Variants in TMEM108 observed in about 807,000 individuals in gnomAD.
The protein encoded by TMEM108 is cancer/testis antigen 124.
Under a neutral mutation model 35.1 loss-of-function variants are expected in TMEM108, and 12 were observed. The observed-to-expected ratio is 0.34, with a 90% CI of 0.22 to 0.55. The LOEUF (loss-of-function observed/expected upper bound fraction) is 0.55. TMEM108 is among the 20% of genes least tolerant of loss of function. The pLI, the probability that TMEM108 is intolerant of heterozygous loss-of-function variation, is 0.89. For missense variants in TMEM108, 680 were observed against 753.3 expected (o/e 0.90, Z 1.14); for synonymous variants, 287 against 308.6 (o/e 0.93, Z 0.73).
At chr3:133,080,573 G>A (rs1943796882) in intron 2 of TMEM108, among the ~76,000 whole-genome samples, 1 of 152,156 alleles carries the variant, frequency 6.6e-6, no homozygotes, top group Non-Finnish European at 1.5e-5. Context: ...CAGAATTAAT[G>A]ATCCTATATA....
At chr3:133,244,317 C>T (rs1053826689) in intron 3 of TMEM108, among the ~76,000 whole-genome samples, 2 of 152,200 alleles carry the variant, frequency 1.3e-5, no homozygotes, top group South Asian at 2.1e-4. Context: ...AACCTCATCT[C>T]GCTTCCATTG....
chr3:133,335,750 T>C (rs909270931), intron 3 of TMEM108, among the ~76,000 whole-genome samples: 4 of 152,266 alleles, frequency 2.6e-5, no homozygotes, highest in South Asian at 2.1e-4. Context: ...AAAAATAAGA[T>C]GAGCACTCAC....
chr3:133,300,596 C>T (rs1947207853), intron 3 of TMEM108, among the ~76,000 whole-genome samples: 2 of 152,068 alleles, frequency 1.3e-5, no homozygotes, highest in African/African-American at 4.8e-5. Context: ...AATGAGGACG[C>T]AGAGAGCCTT....
At chr3:133,063,611 T>C (rs1380109965) in intron 2 of TMEM108, among the ~76,000 whole-genome samples, 1 of 152,296 alleles carries the variant, frequency 6.6e-6, no homozygotes, top group East Asian at 1.9e-4. Flanking sequence ...GGTAAAAGTG[T>C]AAGGTTGAGA....
chr3:133,377,545 C>T (rs1228097462), intron 3 of TMEM108, among the ~76,000 whole-genome samples: 3 of 152,200 alleles, frequency 2.0e-5, no homozygotes, highest in Non-Finnish European at 2.9e-5. Context: ...TGTGACTTTC[C>T]ACATGTTGCC....
At chr3:133,050,804 A>T (rs954143800) in intron 2 of TMEM108, among the ~76,000 whole-genome samples, 1 of 151,820 alleles carries the variant, frequency 6.6e-6, no homozygotes, top group Non-Finnish European at 1.5e-5. Flanking sequence ...AATAATCAAC[A>T]TGTAAGTTTC....
intron 2 of TMEM108, among the ~76,000 whole-genome samples, chr3:133,188,880 G>GACA (rs2107812049): frequency 6.6e-6 from 1 of 152,294 alleles, no homozygotes; most frequent in African/African-American, 2.4e-5. Context: ...CATCTATAAT[G>GACA]TAGGTCTGCC....
chr3:133,040,808 G>A (rs574330948), intron 1 of TMEM108, among the ~76,000 whole-genome samples: 1 of 152,330 alleles, frequency 6.6e-6, no homozygotes, highest in African/African-American at 2.4e-5. Flanking sequence ...AAGCCCACTA[G>A]TGTTGCTTTC....
intron 2 of TMEM108, among the ~76,000 whole-genome samples, chr3:133,082,253 A>G (rs1382836151): frequency 6.6e-6 from 1 of 152,226 alleles, no homozygotes; most frequent in Non-Finnish European, 1.5e-5. Flanking sequence ...GGGGAAATAA[A>G]TGCTAATCAG....
At chr3:133,386,436 C>A in intron 4 of TMEM108, 1 of 1,536,158 alleles carries the variant, frequency 6.5e-7, no homozygotes, top group Admixed American at 2.0e-5. Flanking sequence ...GATCCTATCA[C>A]CTGAAAGCAT....
intron 3 of TMEM108, among the ~76,000 whole-genome samples, chr3:133,336,097 T>C (rs937421937): frequency 6.6e-6 from 1 of 152,176 alleles, no homozygotes; most frequent in Non-Finnish European, 1.5e-5. Flanking sequence ...GCTAAAGGCC[T>C]TTGGGCCCTA....
chr3:133,167,513 G>A lies in TMEM108; in HGVS notation c.-46-61753G>A, dbSNP rs190074551. On this transcript the variant is annotated intron_variant, in intron 2 of 5. Coordinates refer to ENST00000321871, the MANE Select transcript of TMEM108 (RefSeq NM_023943.4). Reference sequence around the variant, plus strand: ...CCGTGGGGGGACTTGGGCATGGTGGGCTACAGGTCCCAAGCCCTGCCCCGC... The same window carrying A: ...CCGTGGGGGGACTTGGGCATGGTGGACTACAGGTCCCAAGCCCTGCCCCGC... 2.6e-5 allele frequency among the ~76,000 whole-genome samples: 4 copies of A among 152,368 alleles called. No homozygotes were observed. In the East Asian group the frequency reaches 7.7e-4, roughly 29 times the overall value.
At chr3:133,211,021 G>A (rs918471206) in intron 2 of TMEM108, among the ~76,000 whole-genome samples, 2 of 152,060 alleles carry the variant, frequency 1.3e-5, no homozygotes, top group African/African-American at 4.8e-5. Flanking sequence ...AACTAAGAAC[G>A]GGGAATGAGG....
intron 2 of TMEM108, among the ~76,000 whole-genome samples, chr3:133,161,820 C>G (rs1165964872): frequency 6.6e-6 from 1 of 152,150 alleles, no homozygotes; most frequent in Non-Finnish European, 1.5e-5. Context: ...GCTCTGCCAA[C>G]TGTGTCTTTC....
At position 133,349,284 on chromosome 3, in the gene TMEM108, TG is replaced by T. The variant is rs139042839; in HGVS notation, c.41-30466del. 1.6e-4 allele frequency among the ~76,000 whole-genome samples: 24 copies of T among 152,288 alleles called. No homozygotes were observed. In the East Asian group the frequency reaches 4.2e-3, roughly 27 times the overall value. On this transcript the variant is annotated intron_variant, in intron 3 of 5. Coordinates refer to ENST00000321871, the MANE Select transcript of TMEM108 (RefSeq NM_023943.4). Reference sequence around the variant, plus strand: ...GGCATTCAAATCTAGGGTTGAATGCTGGTTTAATGTGGCACAATATAAACAC... The same window carrying T: ...GGCATTCAAATCTAGGGTTGAATGCTGTTTAATGTGGCACAATATAAACAC...
chr3:133,282,730 A>G (rs745482629), intron 3 of TMEM108, among the ~76,000 whole-genome samples: 1 of 152,180 alleles, frequency 6.6e-6, no homozygotes, highest in African/African-American at 2.4e-5. Flanking sequence ...CCCTGTCTCC[A>G]TGCCTCTTTA....
intron 2 of TMEM108, among the ~76,000 whole-genome samples, chr3:133,104,978 A>T (rs1429687746): frequency 6.6e-6 from 1 of 152,124 alleles, no homozygotes; most frequent in Non-Finnish European, 1.5e-5. Flanking sequence ...CTTAGTGTGG[A>T]TTGGGAAAGA....
Position 133,176,318 on chromosome 3 carries a change from G to A in TMEM108, c.-46-52948G>A, listed in dbSNP as rs556968275. Among the ~76,000 whole-genome samples the A allele has an allele frequency of 1.2e-4, 18 of 152,242 alleles. 1 individual carries two copies. Among genetic ancestry groups the A allele is most frequent in the African/African-American group, 2.4e-4 (10 of 41,556 alleles). Reference sequence around the variant, plus strand: ...AATTGAACTCAGCTCTGCACCAAGTGGACCTAATAGACATCTACAGAACTC... The same window carrying A: ...AATTGAACTCAGCTCTGCACCAAGTAGACCTAATAGACATCTACAGAACTC... On this transcript the variant is annotated intron_variant, in intron 2 of 5. Coordinates refer to ENST00000321871, the MANE Select transcript of TMEM108 (RefSeq NM_023943.4).
chr3:133,055,410 C>T (rs975979458), intron 2 of TMEM108, among the ~76,000 whole-genome samples: 1 of 152,196 alleles, frequency 6.6e-6, no homozygotes, highest in Non-Finnish European at 1.5e-5. Flanking sequence ...TCTTTAGCAA[C>T]AATAAAGACA....
Sources: allele counts gnomAD v4.1 joint callset (sites outside exome capture counted in the v4.1 genomes callset), GRCh38; gene constraint gnomAD v4.1.1; transcripts MANE v1.5; gene names NCBI Gene and HGNC (gene_info 2026-07-23, HGNC 2026-07-21).